Variants in FBXL7 observed in about 807,000 individuals in gnomAD.
FBXL7 encodes F-box and leucine rich repeat protein 7.
FBXL7 carries 12 observed loss-of-function variants against 38.3 expected under a neutral mutation model. That is an observed-to-expected ratio of 0.31 (90% CI 0.20 to 0.51). The LOEUF (loss-of-function observed/expected upper bound fraction) is 0.51. FBXL7 is among the 20% of genes least tolerant of loss of function. FBXL7 has a pLI of 0.98. For missense variants in FBXL7, 567 were observed against 676.4 expected, an observed-to-expected ratio of 0.84 and a Z score of 1.79; for synonymous variants, 297 against 300.9, an observed-to-expected ratio of 0.99 and a Z score of 0.13.
At chr5:15,898,341 G>A (rs557653435) in intron 2 of FBXL7, among the ~76,000 whole-genome samples, 2 of 152,186 alleles carry the variant, frequency 1.3e-5, no homozygotes, top group East Asian at 3.9e-4. Flanking sequence ...AAAACATGAC[G>A]AAAAGGCCTA....
intron 2 of FBXL7, among the ~76,000 whole-genome samples, chr5:15,726,220 A>T (rs891459585): frequency 6.6e-6 from 1 of 152,168 alleles, no homozygotes; most frequent in South Asian, 2.1e-4. Flanking sequence ...ATCTTTTCAT[A>T]GCTTTCTCAC....
chr5:15,580,843 C>T, intron 1 of FBXL7: 1 of 982,342 alleles, frequency 1.0e-6, no homozygotes, highest in Non-Finnish European at 1.2e-6. Context: ...GGAGACTATC[C>T]CAGCGACACT....
At chr5:15,831,554 C>T (rs1438131386) in intron 2 of FBXL7, among the ~76,000 whole-genome samples, 3 of 152,176 alleles carry the variant, frequency 2.0e-5, no homozygotes, top group Non-Finnish European at 4.4e-5. Context: ...AACACTAGGA[C>T]ATGACCCTGT....
intron 1 of FBXL7, among the ~76,000 whole-genome samples, chr5:15,501,019 G>A (rs1736472624): frequency 6.6e-6 from 1 of 152,162 alleles, no homozygotes; most frequent in Admixed American, 6.5e-5. Context: ...GGGCATCTGG[G>A]GTTTAGGAGA....
At chr5:15,608,778 A>G (rs2126506086) in intron 1 of FBXL7, among the ~76,000 whole-genome samples, 1 of 152,288 alleles carries the variant, frequency 6.6e-6, no homozygotes, top group South Asian at 2.1e-4. Context: ...TGCCAGCCCC[A>G]ACTATTGTGT....
At chr5:15,548,682 G>A (rs915352712) in intron 1 of FBXL7, among the ~76,000 whole-genome samples, 1 of 152,206 alleles carries the variant, frequency 6.6e-6, no homozygotes, top group African/African-American at 2.4e-5. Flanking sequence ...ACAGGTCTAT[G>A]CCTCTCTCCA....
chr5:15,837,797 G>C (rs1738632715), intron 2 of FBXL7, among the ~76,000 whole-genome samples: 1 of 152,020 alleles, frequency 6.6e-6, no homozygotes, highest in Non-Finnish European at 1.5e-5. Context: ...GGAATGTGAG[G>C]TCTGCATCTG....
In FBXL7 at chr5:15,937,254, G is replaced by GT; in HGVS notation, c.*69dup. 1.4e-6 allele frequency: 2 copies of GT among 1,450,586 alleles called. No homozygotes were observed. The highest frequency in any genetic ancestry group is 5.0e-5 in the East Asian group (2 of 40,360). 89.9% of individuals were successfully genotyped at this position (1,450,586 alleles called of 1,614,324 possible). On this transcript the variant is annotated 3_prime_UTR_variant, in exon 4 of 4. Coordinates refer to ENST00000504595, the MANE Select transcript of FBXL7 (RefSeq NM_012304.5). ...CAAAGCAAATTTTTTTAAAAGCAGC[G>GT]TATGTAAGCACCGACACCCACTCAA...
chr5:15,531,522 G>A (rs1227606668), intron 1 of FBXL7, among the ~76,000 whole-genome samples: 1 of 152,216 alleles, frequency 6.6e-6, no homozygotes, highest in African/African-American at 2.4e-5. Flanking sequence ...AGGAATGGCT[G>A]GTTGTTTGGT....
At chr5:15,901,999 C>T (rs746025643) in intron 2 of FBXL7, among the ~76,000 whole-genome samples, 13 of 152,154 alleles carry the variant, frequency 8.5e-5, no homozygotes, top group Admixed American at 3.3e-4. Flanking sequence ...AGAAAACTTG[C>T]ATATAATAGG....
intron 1 of FBXL7, among the ~76,000 whole-genome samples, chr5:15,501,925 A>T: frequency 7.1e-6 from 1 of 140,792 alleles, no homozygotes; most frequent in African/African-American, 2.8e-5. Flanking sequence ...TTGGGCAGTG[A>T]TTTGAGTTTT....
intron 2 of FBXL7, among the ~76,000 whole-genome samples, chr5:15,815,248 G>A (rs1459868403): frequency 6.6e-6 from 1 of 152,074 alleles, no homozygotes; most frequent in Non-Finnish European, 1.5e-5. Context: ...AAGGAATGAA[G>A]GAAGGGATCC....
intron 3 of FBXL7, among the ~76,000 whole-genome samples, chr5:15,935,847 T>C (rs969631181): frequency 1.3e-5 from 2 of 152,192 alleles, no homozygotes; most frequent in African/African-American, 4.8e-5. Context: ...CACCTATTCA[T>C]TCCCATTGCA....
Position 15,686,969 on chromosome 5 carries a change from C to T in FBXL7, c.127+70897C>T, listed in dbSNP as rs116149196. 5.9e-3 allele frequency among the ~76,000 whole-genome samples: 901 copies of T among 152,288 alleles called. 4 individuals are homozygous for T. Among genetic ancestry groups the T allele is most frequent in the Non-Finnish European group, 0.01 (693 of 68,036 alleles). On this transcript the variant is annotated intron_variant, in intron 2 of 3. Transcript: ENST00000504595. ...TCTGGGCCAGAGAAATTCTAGAACC[C>T]GTCTTGTGGGTTTAACATCTATGTA...
At chr5:15,842,887 T>C (rs1427646695) in intron 2 of FBXL7, among the ~76,000 whole-genome samples, 6 of 152,196 alleles carry the variant, frequency 3.9e-5, no homozygotes, top group Non-Finnish European at 8.8e-5. Flanking sequence ...TTACCCAGTC[T>C]TGATTATGTC....
intron 2 of FBXL7, among the ~76,000 whole-genome samples, chr5:15,659,448 C>T (rs1315940010): frequency 6.6e-6 from 1 of 152,164 alleles, no homozygotes; most frequent in East Asian, 1.9e-4. Context: ...TGGACATGTA[C>T]AGGCTTAGGG....
intron 2 of FBXL7, among the ~76,000 whole-genome samples, chr5:15,617,422 CATTTATTTATTTATTT>C (rs3032718): frequency 0.087 from 12,369 of 142,778 alleles, 600 homozygotes; most frequent in South Asian, 0.14. Context: ...TGATTCTAGA[CATTTATTTATTTATTT>C]ATTTATTTAT....
chr5:15,573,025 C>A (rs1378114550), intron 1 of FBXL7, among the ~76,000 whole-genome samples: 2 of 152,178 alleles, frequency 1.3e-5, no homozygotes, highest in Non-Finnish European at 2.9e-5. Flanking sequence ...AGAAGCCCTG[C>A]CAGATCCCAA....
At position 15,777,720 on chromosome 5, in the gene FBXL7, TA is replaced by T. The variant is rs371293320; in HGVS notation, c.128-150144del. On this transcript the variant is annotated intron_variant, in intron 2 of 3. Coordinates refer to ENST00000504595, the MANE Select transcript of FBXL7 (RefSeq NM_012304.5). ...TATTGTTTGCAAACCCCTATTCTGGTAAAAAAAAAAAAAAAAAAAAAAAAAA... is the reference window on the plus strand; with the variant it reads ...TATTGTTTGCAAACCCCTATTCTGGTAAAAAAAAAAAAAAAAAAAAAAAAA... Among the ~76,000 whole-genome samples, 242 of 82,514 alleles carry T rather than the reference TA, an allele frequency of 2.9e-3. 1 individual carries two copies. The highest frequency in any genetic ancestry group is 0.011 in the African/African-American group (193 of 17,724). The allele number at this position is 82,514 out of a possible 152,430, so 54.1% of individuals were successfully genotyped here. A position where few individuals can be genotyped will look rare whatever the true frequency, so the allele number is the denominator to read the frequency against.
Sources: allele counts gnomAD v4.1 joint callset (sites outside exome capture counted in the v4.1 genomes callset), GRCh38; gene constraint gnomAD v4.1.1; transcripts MANE v1.5; gene names NCBI Gene and HGNC (gene_info 2026-07-23, HGNC 2026-07-21).